The following SF3B3 variants were observed in gnomAD, a reference collection of about 807,000 sequenced individuals.
SF3B3 encodes the protein SAP 130.
In SF3B3, 33 loss-of-function variants were observed where a neutral mutation model predicts 139.2. The observed-to-expected ratio is 0.24, with a 90% CI of 0.18 to 0.32. The LOEUF is 0.32. Ranked by LOEUF, SF3B3 falls within the 10% of genes least tolerant of loss-of-function variation. The pLI, the probability that SF3B3 is intolerant of heterozygous loss-of-function variation, is 1.00. For synonymous variants in SF3B3, 596 were observed against 563.6 expected, an observed-to-expected ratio of 1.06 and a Z score of -0.81; for missense variants, 818 against 1,509.4, an observed-to-expected ratio of 0.54 and a Z score of 7.59.
intron 5 of SF3B3, among the ~76,000 whole-genome samples, chr16:70,535,004 A>T (rs1326771297): frequency 6.6e-6 from 1 of 152,188 alleles, no homozygotes. Flanking sequence ...TGGAAGGTCC[A>T]TGTCCAGTAG....
chr16:70,541,966 C>T (rs1448463142), intron 9 of SF3B3, 132 bp downstream of exon 9: 6 of 754,578 alleles, frequency 8.0e-6, no homozygotes, highest in Middle Eastern at 2.6e-4. Flanking sequence ...AGTTTGAGCA[C>T]AAAAAACCAT....
intron 10 of SF3B3, among the ~76,000 whole-genome samples, chr16:70,546,029 T>G (rs2050264962): frequency 6.6e-6 from 1 of 152,192 alleles, no homozygotes; most frequent in Non-Finnish European, 1.5e-5. Flanking sequence ...GTGGTGAGAC[T>G]TTGCTTCACT....
chr16:70,564,198 G>A (rs1298763663), intron 18 of SF3B3, 148 bp downstream of exon 18: 9 of 728,692 alleles, frequency 1.2e-5, no homozygotes, highest in African/African-American at 3.6e-5. Context: ...TAGCAAAACT[G>A]CACCTCTATT....
At chr16:70,565,011 GCC>G in intron 18 of SF3B3, 52 bp from the exon 19 acceptor site, 18 of 1,563,444 alleles carry the variant, frequency 1.2e-5, no homozygotes, top group Non-Finnish European at 1.6e-5. Flanking sequence ...CCTCTTCTCA[GCC>G]AGCCCCTACC....
At chr16:70,552,512 A>G (rs1352533197) in intron 11 of SF3B3, among the ~76,000 whole-genome samples, 1 of 152,230 alleles carries the variant, frequency 6.6e-6, no homozygotes, top group Non-Finnish European at 1.5e-5. Flanking sequence ...AGTAGTGCTT[A>G]GTCTTACAAA....
rs549089036 is a variant in SF3B3, at chr16:70,576,480, T to A, written c.*4667T>A. On this transcript the variant is annotated 3_prime_UTR_variant, in exon 26 of 26. Coordinates refer to ENST00000302516, the MANE Select transcript of SF3B3 (RefSeq NM_012426.5). The stretch of plus-strand genomic sequence containing the variant: ...TCTCATAATGAAAGGAGAGGTGCTT[T>A]CAGTTGGGTCATTTGGTAGCGTTTA... The A allele has an allele frequency of 1.3e-5, 2 of 152,308 alleles. No homozygotes were observed. Among genetic ancestry groups the A allele is most frequent in the South Asian group, 4.1e-4 (2 of 4,830 alleles). The allele number at this position is 152,308 out of a possible 1,614,324, so 9.4% of individuals were successfully genotyped here. A position where few individuals can be genotyped will look rare whatever the true frequency, so the allele number is the denominator to read the frequency against.
At position 70,575,210 on chromosome 16, in the gene SF3B3, T is replaced by G; in HGVS notation, c.*3397T>G. ...TTCTTTTTTTTCTTTTTTTTTTTTT[T>G]TTTTTTGAGATGAAGTCTTACTCTG... On this transcript the variant is annotated 3_prime_UTR_variant, in exon 26 of 26. Coordinates refer to ENST00000302516, the MANE Select transcript of SF3B3 (RefSeq NM_012426.5). The G allele has an allele frequency of 6.8e-6, 1 of 146,576 alleles. No individual in the cohort carries two copies. The highest frequency in any genetic ancestry group is 2.0e-4 in the East Asian group (1 of 5,080). 9.1% of individuals were successfully genotyped at this position (146,576 alleles called of 1,614,324 possible).
At chr16:70,532,110 T>C (rs2050126700) in intron 4 of SF3B3, among the ~76,000 whole-genome samples, 1 of 152,086 alleles carries the variant, frequency 6.6e-6, no homozygotes, top group African/African-American at 2.4e-5. Context: ...CTGACCAACA[T>C]GGAGAAACCC....
rs200910823 is a variant in SF3B3 at position 70,571,855 on chromosome 16, T to A, written c.*42T>A. The A allele has an allele frequency of 6.3e-7, 1 of 1,576,330 alleles. No homozygotes were observed. Among genetic ancestry groups the A allele is most frequent in the Non-Finnish European group, 8.6e-7 (1 of 1,162,948 alleles). On this transcript the variant is annotated 3_prime_UTR_variant, in exon 26 of 26. Transcript: ENST00000302516. ...GGGGCTTGCCAGAGACTGTGTGTTTTGTTTCCCCCACCACCATCACTGCCA... is the reference window on the plus strand; with the variant it reads ...GGGGCTTGCCAGAGACTGTGTGTTTAGTTTCCCCCACCACCATCACTGCCA...
Position 70,559,554 on chromosome 16 carries a change from G to T in SF3B3, c.2011-915G>T, listed in dbSNP as rs1181662266. Among the ~76,000 whole-genome samples, 3 of 152,216 alleles carry T rather than the reference G, an allele frequency of 2.0e-5. No individual in the cohort carries two copies. The East Asian group carries it at 5.8e-4, about 29-fold the overall frequency. On this transcript the variant is annotated intron_variant, in intron 15 of 25. Coordinates refer to ENST00000302516, the MANE Select transcript of SF3B3 (RefSeq NM_012426.5). ...ATACAAAAAATAGTTGGGAATGGTG[G>T]CTCATGCCTGTAGTCCCAGCTACTT...
chr16:70,546,818 G>C (rs985729633), intron 10 of SF3B3, among the ~76,000 whole-genome samples: 8 of 152,082 alleles, frequency 5.3e-5, no homozygotes, highest in African/African-American at 1.9e-4. Flanking sequence ...ACGAGGTCAG[G>C]AGATCGAGAC....
rs1485247358 is a variant in SF3B3, at chr16:70,532,392, C to G, written c.571-87C>G. On this transcript the variant is annotated intron_variant, in intron 4 of 25. Coordinates refer to ENST00000302516, the MANE Select transcript of SF3B3 (RefSeq NM_012426.5). ...AGAAGACATTTGTGGACTTCTGTTT[C>G]CTCATTTGTAAATTGGAGTCCTGAT... is the stretch of plus-strand genomic sequence containing the variant. 3 of 948,242 alleles carry G rather than the reference C, an allele frequency of 3.2e-6. No individual in the cohort carries two copies. In the Admixed American group the frequency reaches 7.3e-5, roughly 23 times the overall value. 58.7% of individuals were successfully genotyped at this position (948,242 alleles called of 1,614,324 possible).
chr16:70,560,721 A>G, intron 16 of SF3B3, 130 bp downstream of exon 16: 1 of 1,052,064 alleles, frequency 9.5e-7, no homozygotes, highest in South Asian at 1.5e-5. Context: ...TTCATGTGAG[A>G]AGTCCTGAGT....
At position 70,567,438 on chromosome 16, in the gene SF3B3, A is replaced by T; in HGVS notation, c.2854A>T (p.Ile952Phe). The change falls in exon 21 of 26, where the codon ATT becomes TTT. Residue 952 changes from isoleucine to phenylalanine, a missense_variant. Physicochemically the swap from Ile to Phe is conservative, Grantham distance 21. Around this residue, in one of 14 missense-constraint regions of SF3B3, gnomAD observed 145 missense variants for 153.6 expected, o/e 0.94. Coordinates refer to ENST00000302516, the MANE Select transcript of SF3B3 (RefSeq NM_012426.5). ...TCCTGTGGAAGAGGTCCCTGCTGCT[A>T]TTGCCCCATTCCAGGGGAGGGTGTT... The part of the protein sequence containing the change: ...KTPVEEVPAA[I>F]APFQGRVLIG... 1 of 1,613,920 alleles carries T rather than the reference A, an allele frequency of 6.2e-7. No individual in the cohort carries two copies. Among genetic ancestry groups the T allele is most frequent in the Non-Finnish European group, 8.5e-7 (1 of 1,179,924 alleles).
chr16:70,550,992 C>T (rs2050319675), intron 11 of SF3B3, among the ~76,000 whole-genome samples: 1 of 152,182 alleles, frequency 6.6e-6, no homozygotes, highest in African/African-American at 2.4e-5. Flanking sequence ...GGTGTACTGA[C>T]TGAAAGATCA....
Position 70,569,867 on chromosome 16 carries a change from T to G in SF3B3, c.3265-139T>G, listed in dbSNP as rs1281418524. ...GTCTTGAAATCCTGGGCTCAAGCAA[T>G]CCTCCCACGTTGGCCTCTATAATAA... On this transcript the variant is annotated intron_variant, in intron 23 of 25. Transcript: ENST00000302516. 3 of 901,620 alleles carry G rather than the reference T, an allele frequency of 3.3e-6. No homozygotes were observed. The African/African-American group carries it at 5.0e-5, about 15-fold the overall frequency. 55.9% of individuals were successfully genotyped at this position (901,620 alleles called of 1,614,324 possible). A position where few individuals can be genotyped will look rare whatever the true frequency, so the allele number is the denominator to read the frequency against.
intron 10 of SF3B3, among the ~76,000 whole-genome samples, chr16:70,547,429 C>T (rs1308014923): frequency 6.6e-6 from 1 of 151,902 alleles, no homozygotes; most frequent in Non-Finnish European, 1.5e-5. Context: ...TAACCTACAC[C>T]CAGTTTTCCC....
intron 10 of SF3B3, 62 bp from the exon 11 acceptor site, chr16:70,548,308 T>G: frequency 3.7e-6 from 5 of 1,344,772 alleles, no homozygotes; most frequent in Non-Finnish European, 5.4e-6. Flanking sequence ...TTTGATGTGA[T>G]TGTAAGCAGG....
chr16:70,547,747 C>T (rs1034670313), intron 10 of SF3B3, among the ~76,000 whole-genome samples: 3 of 152,224 alleles, frequency 2.0e-5, no homozygotes, highest in Admixed American at 1.3e-4. Flanking sequence ...CACCCGCCAT[C>T]ATGCCTGGCT....
Sources: allele counts gnomAD v4.1 joint callset (sites outside exome capture counted in the v4.1 genomes callset), GRCh38; gene constraint gnomAD v4.1.1; regional missense constraint gnomAD v4.1.1; transcripts MANE v1.5; gene names NCBI Gene and HGNC (gene_info 2026-07-23, HGNC 2026-07-21).